The following MS4A7 variants were observed in gnomAD, a reference collection of about 807,000 sequenced individuals.
MS4A7 encodes the protein membrane-spanning 4-domains subfamily A member 7.
Under a neutral mutation model 23.5 loss-of-function variants are expected in MS4A7, and 21 were observed. That is an observed-to-expected ratio of 0.89 (90% CI 0.63 to 1.29). The LOEUF is 1.29. MS4A7 is among the 50% of genes most tolerant of loss of function. The pLI is 0.00. For synonymous variants in MS4A7, 111 were observed against 107.4 expected (o/e 1.03, Z -0.21); for missense variants, 263 against 274.2 (o/e 0.96, Z 0.29).
At chr11:60,383,429 T>A in intron 2 of MS4A7, 141 bp downstream of exon 2, 1 of 914,796 alleles carries the variant, frequency 1.1e-6, no homozygotes, top group Non-Finnish European at 1.6e-6. Flanking sequence ...AATGGAGCTT[T>A]AAGGGAAGAC....
At chr11:60,385,019 G>A (rs899628616) in intron 2 of MS4A7, 69 bp from the exon 3 acceptor site, 20 of 1,396,572 alleles carry the variant, frequency 1.4e-5, no homozygotes, top group Middle Eastern at 1.8e-4. Flanking sequence ...ATACTTTACC[G>A]TGTGCATTCA....
chr11:60,385,178 T>C lies in MS4A7; in HGVS notation c.238T>C (p.Ser80Pro), dbSNP rs893435153. ...CCCCTCCCACTTCAATCCAGCAATTTCCACCACTTTGATGTCTGGGTACCC... is the reference window on the plus strand; with the variant it reads ...CCCCTCCCACTTCAATCCAGCAATTCCCACCACTTTGATGTCTGGGTACCC... ...PYPSHFNPAISTTLMSGYPFL... is the reference protein window; with the variant it reads ...PYPSHFNPAIPTTLMSGYPFL... Residue 80 changes from serine to proline, a missense_variant, in exon 3 of 7, where the codon TCC (serine) becomes CCC (proline). Coordinates refer to ENST00000300184, the MANE Select transcript of MS4A7 (RefSeq NM_021201.5). The C allele has an allele frequency of 7.4e-6, 12 of 1,614,050 alleles. No homozygotes were observed. The highest frequency in any genetic ancestry group is 1.6e-4 in the Middle Eastern group (1 of 6,084).
chr11:60,393,170 G>T (rs1034816325), intron 6 of MS4A7, among the ~76,000 whole-genome samples: 1 of 152,148 alleles, frequency 6.6e-6, no homozygotes. Context: ...AGGACACTCT[G>T]GTCATCTGGG....
intron 3 of MS4A7, among the ~76,000 whole-genome samples, chr11:60,386,269 C>T (rs536980432): frequency 1.3e-5 from 2 of 152,320 alleles, no homozygotes; most frequent in African/African-American, 2.4e-5. Flanking sequence ...CTGACTCAAG[C>T]AACATACACC....
intron 5 of MS4A7, 49 bp downstream of exon 5, chr11:60,389,645 C>T (rs908286378): frequency 5.9e-6 from 9 of 1,521,192 alleles, no homozygotes; most frequent in Non-Finnish European, 7.3e-6. Context: ...CTCTGTGTCT[C>T]CCCTTTGCAT....
Position 60,383,167 on chromosome 11 carries a change from G to A in MS4A7, c.26G>A (p.Gly9Glu), listed in dbSNP as rs754259662. ...ATGCTATTACAATCCCAAACCATGG[G>A]GGTTTCTCACAGCTTTACACCAAAG... MLLQSQTM[G>E]VSHSFTPKGI... The change falls in exon 2 of 7, where the codon GGG becomes GAG. Residue 9 changes from glycine to glutamate, a missense_variant. Physicochemically the swap from Gly to Glu is moderately conservative, Grantham distance 98 (BLOSUM62 -2). Coordinates refer to ENST00000300184, the MANE Select transcript of MS4A7 (RefSeq NM_021201.5). The A allele has an allele frequency of 6.2e-7, 1 of 1,613,820 alleles. No homozygotes were observed. The highest frequency in any genetic ancestry group is 8.5e-7 in the Non-Finnish European group (1 of 1,179,872).
chr11:60,392,993 C>T (rs1162342358), intron 6 of MS4A7, among the ~76,000 whole-genome samples: 2 of 152,094 alleles, frequency 1.3e-5, no homozygotes, highest in South Asian at 2.1e-4. Context: ...CAGTGGCACA[C>T]GCCTGTAGTC....
At position 60,383,125 on chromosome 11, in the gene MS4A7, C is replaced by CCAGCATCAT; in HGVS notation, c.-7_2dup. 1 of 1,610,746 alleles carries CCAGCATCAT rather than the reference C, an allele frequency of 6.2e-7. No homozygotes were observed. The highest frequency in any genetic ancestry group is 8.5e-7 in the Non-Finnish European group (1 of 1,178,324). On this transcript the variant is annotated splice_polypyrimidine_tract_variant and splice_region_variant and intron_variant, in intron 1 of 6. Transcript: ENST00000300184. ...AAGTAACTGAGTTTTGATGCCTCTT[C>CCAGCATCAT]CAGCATCATCAGCATCATGCTATTA... is the stretch of plus-strand genomic sequence containing the variant.
chr11:60,386,278 C>G (rs2085486094), intron 3 of MS4A7, among the ~76,000 whole-genome samples: 1 of 152,196 alleles, frequency 6.6e-6, no homozygotes, highest in African/African-American at 2.4e-5. Context: ...GCAACATACA[C>G]CAATAACTTC....
At chr11:60,389,638 T>G in intron 5 of MS4A7, 42 bp downstream of exon 5, 1 of 1,545,084 alleles carries the variant, frequency 6.5e-7, no homozygotes, top group Non-Finnish European at 8.9e-7. Flanking sequence ...GTGAAATCTC[T>G]GTGTCTCCCC....
Position 60,386,622 on chromosome 11 carries a change from T to C in MS4A7, c.283-95T>C, listed in dbSNP as rs183823900. On this transcript the variant is annotated intron_variant, in intron 3 of 6. Coordinates refer to ENST00000300184, the MANE Select transcript of MS4A7 (RefSeq NM_021201.5). ...TGCAGTGTTCTCTCCCTAAAAGTTT[T>C]CCAACATCACTTTTTGATTGAGTGA... 7.4e-5 allele frequency: 77 copies of C among 1,043,954 alleles called. No individual in the cohort carries two copies. In the Admixed American group the frequency reaches 1.5e-3, roughly 20 times the overall value. The allele number at this position is 1,043,954 out of a possible 1,614,324, so 64.7% of individuals were successfully genotyped here.
chr11:60,395,720 G>A lies in MS4A7; in HGVS notation c.*1859G>A, dbSNP rs2085609500. 1 of 151,880 alleles carries A rather than the reference G, an allele frequency of 6.6e-6. No homozygotes were observed. The highest frequency in any genetic ancestry group is 2.1e-4 in the South Asian group (1 of 4,820). 9.4% of individuals were successfully genotyped at this position (151,880 alleles called of 1,614,324 possible). On this transcript the variant is annotated 3_prime_UTR_variant, in exon 7 of 7. Transcript: ENST00000300184. Reference sequence around the variant, plus strand: ...CTGGTCCTATAGCATCTTTACTACTGATTTTTTTTTGTTTAATTTGAAAAT... The same window carrying A: ...CTGGTCCTATAGCATCTTTACTACTAATTTTTTTTTGTTTAATTTGAAAAT...
intron 1 of MS4A7, 101 bp from the exon 2 acceptor site, chr11:60,383,028 T>C: frequency 3.8e-6 from 5 of 1,308,600 alleles, no homozygotes; most frequent in Non-Finnish European, 5.3e-6. Context: ...CTTGGAATAA[T>C]GGCAAATACC....
intron 1 of MS4A7, among the ~76,000 whole-genome samples, chr11:60,381,255 A>C (rs776286963): frequency 1.3e-5 from 2 of 152,224 alleles, no homozygotes; most frequent in African/African-American, 2.4e-5. Context: ...ATTCAGCTTC[A>C]ACATTATTCC....
chr11:60,379,577 C>A (rs1329604273), intron 1 of MS4A7, among the ~76,000 whole-genome samples: 1 of 107,546 alleles, frequency 9.3e-6, no homozygotes, highest in Non-Finnish European at 2.1e-5. Flanking sequence ...TTTGCTCAGT[C>A]ACCCAGGCTA....
intron 3 of MS4A7, 75 bp downstream of exon 3, chr11:60,385,297 A>G: frequency 1.3e-6 from 2 of 1,540,998 alleles, no homozygotes; most frequent in Non-Finnish European, 1.8e-6. Flanking sequence ...GGAGTGACTC[A>G]GACTCCAAGA....
chr11:60,389,042 C>G (rs1294129139), intron 4 of MS4A7: 1 of 191,236 alleles, frequency 5.2e-6, no homozygotes, highest in Non-Finnish European at 1.1e-5. Context: ...CTGAAGGCAA[C>G]AGAATGATTC....
chr11:60,383,448 C>A (rs2085451330), intron 2 of MS4A7, 160 bp downstream of exon 2: 1 of 650,966 alleles, frequency 1.5e-6, no homozygotes, highest in African/African-American at 1.8e-5. Flanking sequence ...ACTCTTAAAG[C>A]TCTGCAGCAG....
chr11:60,380,456 A>C (rs2085416971), intron 1 of MS4A7, among the ~76,000 whole-genome samples: 1 of 152,244 alleles, frequency 6.6e-6, no homozygotes, highest in Non-Finnish European at 1.5e-5. Context: ...ACTCTTTCAA[A>C]CAGAACAAAC....
Sources: allele counts gnomAD v4.1 joint callset (sites outside exome capture counted in the v4.1 genomes callset), GRCh38; gene constraint gnomAD v4.1.1; transcripts MANE v1.5; gene names NCBI Gene and HGNC (gene_info 2026-07-23, HGNC 2026-07-21).